The following SPRED1 variants were observed in gnomAD, a reference collection of about 807,000 sequenced individuals.
The protein encoded by SPRED1 is sprouty related EVH1 domain containing 1.
A neutral mutation model predicts 52.3 loss-of-function variants in SPRED1; 18 were observed. The ratio of observed to expected loss-of-function variants is 0.34; its 90% CI spans 0.24 to 0.51. SPRED1 has a LOEUF of 0.51. Among genes scored for constraint, SPRED1 ranks in the 20% least tolerant of loss-of-function variants. The probability of loss-of-function intolerance (pLI) is 0.97; values close to 1 mark genes in which losing one functional copy is unlikely to be tolerated. For synonymous variants in SPRED1, 155 were observed against 179.7 expected (o/e 0.86, Z 1.10); for missense variants, 485 against 551.0 (o/e 0.88, Z 1.20).
At chr15:38,265,415 A>T (rs1894288160) in intron 1 of SPRED1, among the ~76,000 whole-genome samples, 1 of 151,938 alleles carries the variant, frequency 6.6e-6, no homozygotes, top group Non-Finnish European at 1.5e-5. Flanking sequence ...GTCGCTTTTT[A>T]AAAAGGATTA....
At chr15:38,320,007 C>T (rs754160650) in intron 2 of SPRED1, among the ~76,000 whole-genome samples, 5 of 152,044 alleles carry the variant, frequency 3.3e-5, no homozygotes, top group Middle Eastern at 6.8e-3. Context: ...GTATTTCCAC[C>T]GTACAGATAT....
At chr15:38,265,642 A>T (rs899862856) in intron 1 of SPRED1, among the ~76,000 whole-genome samples, 3 of 152,080 alleles carry the variant, frequency 2.0e-5, no homozygotes, top group Non-Finnish European at 4.4e-5. Context: ...AATTTTTAAT[A>T]CAACTATTTA....
At chr15:38,274,040 T>C (rs1054114185) in intron 1 of SPRED1, among the ~76,000 whole-genome samples, 4 of 152,238 alleles carry the variant, frequency 2.6e-5, no homozygotes, top group African/African-American at 9.6e-5. Context: ...CAAAGATATG[T>C]GGCCATTATT....
At chr15:38,273,944 T>C (rs987085248) in intron 1 of SPRED1, among the ~76,000 whole-genome samples, 10 of 152,186 alleles carry the variant, frequency 6.6e-5, no homozygotes, top group African/African-American at 2.4e-4. Flanking sequence ...CAGACAAGCA[T>C]GTTTAAATAA....
intron 2 of SPRED1, among the ~76,000 whole-genome samples, chr15:38,311,825 A>G (rs1441288614): frequency 1.3e-5 from 2 of 152,074 alleles, no homozygotes; most frequent in Admixed American, 6.6e-5. Flanking sequence ...CTAGAGATGT[A>G]TCAATTGTAT....
rs1405134230 is a variant in SPRED1 at position 38,339,682 on chromosome 15, T to C, written c.424-55T>C. The C allele has an allele frequency of 1.4e-5, 21 of 1,536,010 alleles. No homozygotes were observed. The East Asian group carries it at 4.5e-4, about 33-fold the overall frequency. ...TTTAGAGTGAAAGTATCTTATTTTG[T>C]GGTGGTGGTGGTTTTTATTCTGGCA... On this transcript the variant is annotated intron_variant, in intron 4 of 6. Transcript: ENST00000299084.
intron 2 of SPRED1, among the ~76,000 whole-genome samples, chr15:38,310,153 G>GTGTGTGTGTGTGTTTT (rs373463622): frequency 1.1e-4 from 15 of 132,260 alleles, no homozygotes; most frequent in South Asian, 5.2e-4. Context: ...GTGTGTGTGT[G>GTGTGTGTGTGTGTTTT]TTTGGAGACG....
intron 5 of SPRED1, among the ~76,000 whole-genome samples, chr15:38,343,935 TAAAG>T (rs1353042611): frequency 6.6e-6 from 1 of 152,062 alleles, no homozygotes; most frequent in African/African-American, 2.4e-5. Context: ...TATAAAAAAT[TAAAG>T]AAAAATTAAG....
chr15:38,317,504 A>G (rs1895511208), intron 2 of SPRED1, among the ~76,000 whole-genome samples: 1 of 151,940 alleles, frequency 6.6e-6, no homozygotes. Context: ...TTGTTTGCTA[A>G]TTATGCCAAT....
intron 1 of SPRED1, among the ~76,000 whole-genome samples, chr15:38,256,890 T>C (rs1394034565): frequency 6.6e-6 from 1 of 152,124 alleles, no homozygotes; most frequent in Non-Finnish European, 1.5e-5. Flanking sequence ...CTGTGTAATA[T>C]TAAGCCATCT....
intron 2 of SPRED1, among the ~76,000 whole-genome samples, chr15:38,310,153 G>GTGTGTGTGTGTGTGTGTGTGT (rs373463622): frequency 1.1e-4 from 14 of 132,254 alleles, no homozygotes; most frequent in African/African-American, 1.4e-4. Context: ...GTGTGTGTGT[G>GTGTGTGTGTGTGTGTGTGTGT]TTTGGAGACG....
At chr15:38,305,340 AAC>A (rs1895230910) in intron 2 of SPRED1, among the ~76,000 whole-genome samples, 1 of 72,536 alleles carries the variant, frequency 1.4e-5, no homozygotes, top group Admixed American at 1.8e-4. Flanking sequence ...AAAAATAAAA[AAC>A]AAAAAAAAAA....
At chr15:38,312,143 T>C (rs1895381500) in intron 2 of SPRED1, among the ~76,000 whole-genome samples, 1 of 152,136 alleles carries the variant, frequency 6.6e-6, no homozygotes, top group Admixed American at 6.5e-5. Flanking sequence ...CCAACTGTCA[T>C]GTTTTTGGAT....
At chr15:38,304,426 C>T (rs566952742) in intron 2 of SPRED1, among the ~76,000 whole-genome samples, 15 of 152,244 alleles carry the variant, frequency 9.9e-5, no homozygotes, top group African/African-American at 3.6e-4. Flanking sequence ...CCCTATTCAC[C>T]GTAATACCAC....
intron 1 of SPRED1, among the ~76,000 whole-genome samples, chr15:38,286,301 A>T (rs957271267): frequency 1.4e-5 from 2 of 146,206 alleles, no homozygotes; most frequent in African/African-American, 5.0e-5. Flanking sequence ...TATCAATTTT[A>T]TATTATTTTT....
chr15:38,293,097 AAC>A (rs1894957831), intron 1 of SPRED1, among the ~76,000 whole-genome samples: 1 of 29,984 alleles, frequency 3.3e-5, no homozygotes, highest in African/African-American at 9.2e-5. Context: ...CCAAGATTAC[AAC>A]TTTTTTTTTT....
chr15:38,281,080 A>G (rs1386981104), intron 1 of SPRED1, among the ~76,000 whole-genome samples: 1 of 152,228 alleles, frequency 6.6e-6, no homozygotes, highest in African/African-American at 2.4e-5. Flanking sequence ...ATCTTCAAAT[A>G]ATTGAAAACC....
At chr15:38,301,246 A>G (rs1476785134) in intron 2 of SPRED1, among the ~76,000 whole-genome samples, 1 of 152,190 alleles carries the variant, frequency 6.6e-6, no homozygotes, top group Non-Finnish European at 1.5e-5. Context: ...AAATAAAGCT[A>G]GTAAAAATAA....
At chr15:38,349,572 G>GT in intron 6 of SPRED1, 49 bp downstream of exon 6, 2 of 1,246,010 alleles carry the variant, frequency 1.6e-6, no homozygotes, top group Non-Finnish European at 2.3e-6. Flanking sequence ...CTAATTAATA[G>GT]ATAGGTAAAG....
Sources: allele counts gnomAD v4.1 joint callset (sites outside exome capture counted in the v4.1 genomes callset), GRCh38; gene constraint gnomAD v4.1.1; transcripts MANE v1.5; gene names NCBI Gene and HGNC (gene_info 2026-07-23, HGNC 2026-07-21).